CHKA: variants seen among roughly 807,000 people sequenced by gnomAD.
CHKA encodes choline kinase alpha, also known as CHETK-alpha.
CHKA carries 34 observed loss-of-function variants against 60.1 expected under a neutral mutation model. That is an observed-to-expected ratio of 0.57 (90% CI 0.43 to 0.75). The LOEUF (loss-of-function observed/expected upper bound fraction) is 0.75. CHKA is among the 30% of genes least tolerant of loss of function. The probability of loss-of-function intolerance (pLI) is 0.00; values close to 1 mark genes in which losing one functional copy is unlikely to be tolerated. For missense variants in CHKA, 563 were observed against 561.3 expected, an observed-to-expected ratio of 1.00 and a Z score of -0.03; for synonymous variants, 217 against 223.1, an observed-to-expected ratio of 0.97 and a Z score of 0.24.
rs1452484867 is a variant in CHKA at position 68,053,960 on chromosome 11, G to A, written c.*28C>T. ...CTGCTGCCTCCCCATGCAGTCCAGT[G>A]ATGAGGTGGATGGAGTCCTCCCCAC... is the stretch of plus-strand genomic sequence containing the variant. On this transcript the variant is annotated 3_prime_UTR_variant, in exon 12 of 12. Transcript: ENST00000265689. The A allele has an allele frequency of 1.2e-6, 2 of 1,603,718 alleles. No individual in the cohort carries two copies. Among genetic ancestry groups the A allele is most frequent in the Non-Finnish European group, 1.7e-6 (2 of 1,171,630 alleles).
At position 68,065,834 on chromosome 11, in the gene CHKA, G is replaced by T. The variant is rs1034115976; in HGVS notation, c.1077C>A (p.Tyr359Ter). The T allele has an allele frequency of 6.2e-7, 1 of 1,606,642 alleles. No homozygotes were observed. Among genetic ancestry groups the T allele is most frequent in the South Asian group, 1.1e-5 (1 of 90,840 alleles). The change falls in exon 9 of 12, where the codon TAC becomes TAA. Residue 359 changes from tyrosine to a stop codon, truncating the protein, a stop_gained. Transcript: ENST00000265689. LOFTEE classifies it high-confidence loss of function. ...TCCGGATGTTTGCTCTGAAAAAAGGGTATTTTTCATAGCTATAATCATACA... is the reference window on the plus strand; with the variant it reads ...TCCGGATGTTTGCTCTGAAAAAAGGTTATTTTTCATAGCTATAATCATACA... ...EWMYDYSYEK[Y>*]PFFRANIRKY...
At chr11:68,066,122 C>T (rs1425226838) in intron 8 of CHKA, among the ~76,000 whole-genome samples, 1 of 152,180 alleles carries the variant, frequency 6.6e-6, no homozygotes, top group Non-Finnish European at 1.5e-5. Context: ...ACCACTACTC[C>T]AGAACATTGT....
In CHKA at chr11:68,121,101, C is replaced by T; in HGVS notation, c.77G>A (p.Ser26Asn). The T allele has an allele frequency of 8.6e-7, 1 of 1,157,936 alleles. No homozygotes were observed. Among genetic ancestry groups the T allele is most frequent in the South Asian group, 3.1e-5 (1 of 32,286 alleles). 71.7% of individuals were successfully genotyped at this position (1,157,936 alleles called of 1,614,324 possible). A position where few individuals can be genotyped will look rare whatever the true frequency, so the allele number is the denominator to read the frequency against. Residue 26 changes from serine (S) to asparagine (N), a missense_variant, in exon 1 of 12, where the codon AGC (serine) becomes AAC (asparagine). Ser to Asn is a conservative substitution (Grantham distance 46). Coordinates refer to ENST00000265689, the MANE Select transcript of CHKA (RefSeq NM_001277.3). ...CCCCACGCCGGGCGCCGGGGCCGCGCTGCCGCTACCGCAGCTCAGCAGCAG... is the reference window on the plus strand; with the variant it reads ...CCCCACGCCGGGCGCCGGGGCCGCGTTGCCGCTACCGCAGCTCAGCAGCAG... The part of the protein sequence containing the change: ...LGLLLSCGSG[S>N]AAPAPGVGQQ...
intron 1 of CHKA, among the ~76,000 whole-genome samples, chr11:68,105,923 T>A (rs1021718834): frequency 6.6e-6 from 1 of 151,956 alleles, no homozygotes; most frequent in Non-Finnish European, 1.5e-5. Flanking sequence ...ATGACTATCA[T>A]CTAAAAGTCA....
chr11:68,066,435 T>C lies in CHKA; in HGVS notation c.1010A>G (p.Asn337Ser), dbSNP rs373388617. ...CTGGACTGTAACACAGTACCTGTAATTGTAACTGCTGTATTCGAAATCAAT... is the reference window on the plus strand; with the variant it reads ...CTGGACTGTAACACAGTACCTGTAACTGTAACTGCTGTATTCGAAATCAAT... ...MLIDFEYSSY[N>S]YRGFDIGNHF... The change falls in exon 8 of 12, where the codon AAT (asparagine) becomes AGT (serine). Residue 337 changes from asparagine to serine, a missense_variant. Asn to Ser is a conservative substitution (Grantham distance 46). Transcript: ENST00000265689. 1.9e-6 allele frequency: 3 copies of C among 1,610,634 alleles called. No homozygotes were observed. The highest frequency in any genetic ancestry group is 1.3e-5 in the African/African-American group (1 of 74,878).
In CHKA at chr11:68,121,258, C is replaced by T. The variant is rs1858639642; in HGVS notation, c.-81G>A. Reference sequence around the variant, plus strand: ...AGAGTCCGGCCGGGCGCCCCCTCGCCGCTCTCTCACTGGCAGGCCGGCGGG... The same window carrying T: ...AGAGTCCGGCCGGGCGCCCCCTCGCTGCTCTCTCACTGGCAGGCCGGCGGG... On this transcript the variant is annotated 5_prime_UTR_variant, in exon 1 of 12. Coordinates refer to ENST00000265689, the MANE Select transcript of CHKA (RefSeq NM_001277.3). 1.9e-6 allele frequency: 2 copies of T among 1,047,376 alleles called. No homozygotes were observed. The highest frequency in any genetic ancestry group is 3.4e-5 in the African/African-American group (2 of 58,258). 64.9% of individuals were successfully genotyped at this position (1,047,376 alleles called of 1,614,324 possible).
chr11:68,069,422 C>T (rs567170221), intron 6 of CHKA, among the ~76,000 whole-genome samples: 52 of 152,214 alleles, frequency 3.4e-4, no homozygotes, highest in Admixed American at 6.5e-5. Flanking sequence ...TGTGGTGGCT[C>T]GCGCCTGTAA....
intron 3 of CHKA, among the ~76,000 whole-genome samples, chr11:68,075,592 C>T (rs1009890056): frequency 1.3e-5 from 2 of 152,120 alleles, no homozygotes; most frequent in Non-Finnish European, 2.9e-5. Flanking sequence ...TGGTTTCCAT[C>T]TGTTGGAGTG....
At chr11:68,086,268 C>T (rs532115784) in intron 2 of CHKA, among the ~76,000 whole-genome samples, 1 of 151,988 alleles carries the variant, frequency 6.6e-6, no homozygotes, top group African/African-American at 2.4e-5. Context: ...GAGCCAAGAT[C>T]GCGCCACTGC....
At chr11:68,105,250 C>T (rs1857869207) in intron 1 of CHKA, among the ~76,000 whole-genome samples, 1 of 152,008 alleles carries the variant, frequency 6.6e-6, no homozygotes, top group African/African-American at 2.4e-5. Context: ...GACATGGTGG[C>T]TCACGCCTGT....
At chr11:68,117,722 C>G (rs1858445715) in intron 1 of CHKA, among the ~76,000 whole-genome samples, 3 of 152,096 alleles carry the variant, frequency 2.0e-5, no homozygotes, top group Admixed American at 2.0e-4. Flanking sequence ...GGCCAAGGCT[C>G]AAGTTTAGAC....
intron 2 of CHKA, among the ~76,000 whole-genome samples, chr11:68,087,094 A>C (rs1250789042): frequency 1.3e-5 from 2 of 152,270 alleles, no homozygotes; most frequent in Non-Finnish European, 2.9e-5. Context: ...GATTTTAAAA[A>C]GTGATGAATC....
At position 68,081,466 on chromosome 11, in the gene CHKA, G is replaced by C; in HGVS notation, c.463-9C>G. 6.2e-7 allele frequency: 1 copy of C among 1,610,470 alleles called. No individual in the cohort carries two copies. The highest frequency in any genetic ancestry group is 8.5e-7 in the Non-Finnish European group (1 of 1,176,992). ...TCTTTATTACAGGACCTCTATGAAT[G>C]AGAAAAAGGAAACACTTCTGGTGAG... is the stretch of plus-strand genomic sequence containing the variant. On this transcript the variant is annotated splice_polypyrimidine_tract_variant and intron_variant, in intron 2 of 11. Transcript: ENST00000265689.
intron 2 of CHKA, among the ~76,000 whole-genome samples, chr11:68,085,646 T>C (rs1354766966): frequency 1.3e-5 from 2 of 152,230 alleles, no homozygotes; most frequent in East Asian, 1.9e-4. Context: ...TTTATTTCTA[T>C]ACTTTAAAAA....
intron 1 of CHKA, 150 bp from the exon 2 acceptor site, chr11:68,097,280 T>C (rs1238652670): frequency 7.5e-6 from 4 of 534,732 alleles, no homozygotes; most frequent in East Asian, 6.5e-5. Flanking sequence ...ATGAGTCACA[T>C]TAAAAACAGA....
intron 2 of CHKA, among the ~76,000 whole-genome samples, chr11:68,095,718 A>AAC (rs1857484402): frequency 7.1e-6 from 1 of 141,496 alleles, no homozygotes; most frequent in Non-Finnish European, 1.5e-5. Flanking sequence ...CAAAAAAAAA[A>AAC]AAAAAAAAAA....
At chr11:68,102,911 A>T (rs1459083192) in intron 1 of CHKA, among the ~76,000 whole-genome samples, 1 of 152,162 alleles carries the variant, frequency 6.6e-6, no homozygotes, top group Non-Finnish European at 1.5e-5. Context: ...GAGGATCACT[A>T]GAGCCCAGGA....
intron 7 of CHKA, among the ~76,000 whole-genome samples, chr11:68,067,408 G>A (rs1262781181): frequency 6.6e-6 from 1 of 152,126 alleles, no homozygotes; most frequent in East Asian, 1.9e-4. Context: ...TTTAAGACCA[G>A]CCTGGGCAAC....
chr11:68,087,248 G>C (rs572687402), intron 2 of CHKA, among the ~76,000 whole-genome samples: 1 of 152,264 alleles, frequency 6.6e-6, no homozygotes, highest in South Asian at 2.1e-4. Flanking sequence ...GGGAGGTTGA[G>C]GGGGGCGGAT....
Sources: allele counts gnomAD v4.1 joint callset (sites outside exome capture counted in the v4.1 genomes callset), GRCh38; gene constraint gnomAD v4.1.1; transcripts MANE v1.5; gene names NCBI Gene and HGNC (gene_info 2026-07-23, HGNC 2026-07-21).